DOCK8: variants seen among roughly 807,000 people sequenced by gnomAD.
DOCK8 encodes dedicator of cytokinesis protein 8.
In DOCK8, 141 loss-of-function variants were observed where a neutral mutation model predicts 245.6. The ratio of observed to expected loss-of-function variants is 0.57; its 90% CI spans 0.50 to 0.66. The LOEUF (loss-of-function observed/expected upper bound fraction) is 0.66, where lower values mean the gene tolerates loss of function less well. DOCK8 is among the 30% of genes least tolerant of loss of function. DOCK8 has a pLI of 0.00. For missense variants in DOCK8, 2,965 were observed against 2,603.4 expected (o/e 1.14, Z -3.02); for synonymous variants, 1,168 against 970.2 (o/e 1.20, Z -3.79).
At chr9:314,637 G>T (rs917169346) in intron 6 of DOCK8, among the ~76,000 whole-genome samples, 3 of 152,304 alleles carry the variant, frequency 2.0e-5, no homozygotes, top group Admixed American at 2.0e-4. Context: ...TGTCTAAAAT[G>T]CTTGAGGGCC....
chr9:325,234 T>A (rs1336125828), intron 7 of DOCK8, among the ~76,000 whole-genome samples: 3 of 152,214 alleles, frequency 2.0e-5, no homozygotes, highest in African/African-American at 7.2e-5. Flanking sequence ...GCAATTAGGT[T>A]GGTTGTTGGT....
At chr9:235,225 C>T (rs1042507515) in intron 1 of DOCK8, among the ~76,000 whole-genome samples, 2 of 152,108 alleles carry the variant, frequency 1.3e-5, no homozygotes, top group Non-Finnish European at 2.9e-5. Flanking sequence ...ATTGGTGAAC[C>T]GCAAATGCTG....
chr9:348,254 T>G (rs771479279), intron 14 of DOCK8, among the ~76,000 whole-genome samples: 30 of 152,306 alleles, frequency 2.0e-4, no homozygotes, highest in Admixed American at 2.0e-4. Flanking sequence ...ATTTACACAT[T>G]CACCAATTTT....
At chr9:322,727 G>A (rs929659730) in intron 7 of DOCK8, among the ~76,000 whole-genome samples, 2 of 152,178 alleles carry the variant, frequency 1.3e-5, no homozygotes, top group Non-Finnish European at 2.9e-5. Flanking sequence ...CAGGCCCTTT[G>A]TGTAGTAGGG....
At chr9:455,262 G>A (rs952494061) in intron 46 of DOCK8, among the ~76,000 whole-genome samples, 2 of 152,210 alleles carry the variant, frequency 1.3e-5, no homozygotes, top group Non-Finnish European at 2.9e-5. Flanking sequence ...GGGAGGCTGA[G>A]GTGGAAGGAC....
At chr9:220,923 G>A (rs1323611945) in intron 1 of DOCK8, 3 of 269,662 alleles carry the variant, frequency 1.1e-5, no homozygotes, top group African/African-American at 7.0e-5. Flanking sequence ...GTTTCACCGT[G>A]TTGTTCAGGC....
At chr9:423,418 C>T (rs2056358001) in intron 33 of DOCK8, among the ~76,000 whole-genome samples, 1 of 152,254 alleles carries the variant, frequency 6.6e-6, no homozygotes, top group South Asian at 2.1e-4. Context: ...AAAATCACCC[C>T]TCACACACAG....
intron 1 of DOCK8, among the ~76,000 whole-genome samples, chr9:269,939 A>G (rs1016504265): frequency 2.0e-5 from 3 of 152,182 alleles, no homozygotes; most frequent in Non-Finnish European, 4.4e-5. Flanking sequence ...TAAATTTTTC[A>G]GGAACTGCCA....
chr9:271,790 T>C, intron 2 of DOCK8, 61 bp downstream of exon 2: 2 of 1,176,236 alleles, frequency 1.7e-6, no homozygotes, highest in Non-Finnish European at 2.5e-6. Flanking sequence ...CCAGGGTATG[T>C]GTTTGCCTCC....
chr9:398,189 G>A (rs2054551470), intron 25 of DOCK8, among the ~76,000 whole-genome samples: 1 of 152,132 alleles, frequency 6.6e-6, no homozygotes, highest in Non-Finnish European at 1.5e-5. Flanking sequence ...GTCACACACA[G>A]CCAGCAGTAA....
At chr9:343,481 T>C (rs567126223) in intron 14 of DOCK8, among the ~76,000 whole-genome samples, 25 of 142,130 alleles carry the variant, frequency 1.8e-4, no homozygotes, top group Non-Finnish European at 3.0e-4. Flanking sequence ...TGAGACCCTA[T>C]CTCTAAAAAA....
intron 46 of DOCK8, 112 bp downstream of exon 46, chr9:452,229 G>A: frequency 4.2e-6 from 3 of 717,130 alleles, no homozygotes; most frequent in South Asian, 1.5e-5. Flanking sequence ...AAAGTCTCAG[G>A]CACCCTCCAG....
At chr9:314,275 C>G (rs2050250357) in intron 6 of DOCK8, 1 of 152,176 alleles carries the variant, frequency 6.6e-6, no homozygotes, top group Non-Finnish European at 1.5e-5. Flanking sequence ...CTTTACTTTC[C>G]TTCCTCTTCC....
At chr9:340,072 T>C (rs2051503194) in intron 13 of DOCK8, 87 bp from the exon 14 acceptor site, 1 of 1,488,154 alleles carries the variant, frequency 6.7e-7, no homozygotes, top group African/African-American at 1.4e-5. Flanking sequence ...CTTATTTTCA[T>C]GAAAGAAACA....
chr9:344,287 A>G (rs967226020), intron 14 of DOCK8, among the ~76,000 whole-genome samples: 1 of 152,208 alleles, frequency 6.6e-6, no homozygotes, highest in Non-Finnish European at 1.5e-5. Context: ...AGAGAGAGAT[A>G]ATGAACTTGG....
rs1564062142 is a variant in DOCK8 at position 432,295 on chromosome 9, G to C, written c.4756G>C (p.Ala1586Pro). The change falls in exon 37 of 48, where the codon GCC becomes CCC. Residue 1586 changes from alanine to proline, a missense_variant. By Grantham distance (27) the Ala-to-Pro change is conservative. Around this residue, in one of 3 missense-constraint regions of DOCK8, gnomAD observed 2,825 missense variants for 2,453.5 expected, o/e 1.15. Transcript: ENST00000432829. ...TILAYSEEDTAMQMTPFPTQV... is the reference protein window; with the variant it reads ...TILAYSEEDTPMQMTPFPTQV... ...TTTGGCCTATTCAGAAGAGGACACAGCCATGCAGATGACTCCTTTTCCCAC... is the reference window on the plus strand; with the variant it reads ...TTTGGCCTATTCAGAAGAGGACACACCCATGCAGATGACTCCTTTTCCCAC... 1 of 1,614,076 alleles carries C rather than the reference G, an allele frequency of 6.2e-7. No individual in the cohort carries two copies. The highest frequency in any genetic ancestry group is 2.2e-5 in the East Asian group (1 of 44,872).
chr9:320,217 G>GTGCC (rs1167572564), intron 7 of DOCK8, among the ~76,000 whole-genome samples: 30 of 35,680 alleles, frequency 8.4e-4, no homozygotes, highest in Admixed American at 1.9e-3. Context: ...AAACCTGACC[G>GTGCC]AACACTCACG....
chr9:446,449 A>T lies in DOCK8; in HGVS notation c.5660A>T (p.Asn1887Ile). The T allele has an allele frequency of 1.2e-6, 2 of 1,614,238 alleles. No individual in the cohort carries two copies. Among genetic ancestry groups the T allele is most frequent in the Non-Finnish European group, 1.7e-6 (2 of 1,180,038 alleles). Residue 1887 changes from asparagine (N) to isoleucine (I), a missense_variant, in exon 44 of 48, where the codon AAT becomes ATT. Physicochemically the swap from Asn to Ile is moderately radical, Grantham distance 149. Transcript: ENST00000432829. ...MKDRVTYFEK[N>I]FNLRRFMYTT... Reference sequence around the variant, plus strand: ...GACAGGGTCACATACTTTGAGAAGAATTTCAACCTCCGGAGGTTCATGTAC... The same window carrying T: ...GACAGGGTCACATACTTTGAGAAGATTTTCAACCTCCGGAGGTTCATGTAC...
intron 14 of DOCK8, among the ~76,000 whole-genome samples, chr9:349,651 A>T (rs2052064498): frequency 6.6e-6 from 1 of 152,204 alleles, no homozygotes; most frequent in Non-Finnish European, 1.5e-5. Context: ...TCAGGGCTCA[A>T]AGACAAGTTT....
Sources: gnomAD v4.1 joint callset for allele counts (sites outside exome capture counted in the v4.1 genomes callset) on GRCh38, gnomAD v4.1.1 for gene constraint, gnomAD v4.1.1 regional missense constraint, MANE v1.5 for transcripts, NCBI Gene and HGNC (gene_info 2026-07-23, HGNC 2026-07-21) for gene names.